Variants in HSPA12B observed in about 807,000 individuals in gnomAD.
HSPA12B encodes the protein heat shock protein family A (Hsp70) member 12B.
HSPA12B carries 54 observed loss-of-function variants against 69.3 expected under a neutral mutation model. The observed-to-expected ratio is 0.78, with a 90% CI of 0.63 to 0.98. The LOEUF (loss-of-function observed/expected upper bound fraction) is 0.98, where lower values mean the gene tolerates loss of function less well. Ranked by LOEUF, HSPA12B falls within the 50% of genes least tolerant of loss-of-function variation. HSPA12B has a pLI of 0.00. For synonymous variants in HSPA12B, 441 were observed against 436.5 expected, an observed-to-expected ratio of 1.01 and a Z score of -0.13; for missense variants, 929 against 999.8, an observed-to-expected ratio of 0.93 and a Z score of 0.96.
rs541439638 is a variant in HSPA12B at position 3,744,034 on chromosome 20, G to A, written c.267-868G>A. ...TTTATGTGGGACCTCAAGGACCTTGGGACCTCAAGACCCCAGTCCTCTGAA... is the reference window on the plus strand; with the variant it reads ...TTTATGTGGGACCTCAAGGACCTTGAGACCTCAAGACCCCAGTCCTCTGAA... On this transcript the variant is annotated intron_variant, in intron 4 of 12. Coordinates refer to ENST00000254963, the MANE Select transcript of HSPA12B (RefSeq NM_052970.5). This position sits in a 1 kb window ranked among gnomAD's most constrained non-coding sequence, Gnocchi z 4.9. 5.8e-4 allele frequency among the ~76,000 whole-genome samples: 89 copies of A among 152,234 alleles called. No individual in the cohort carries two copies. The highest frequency in any genetic ancestry group is 1.0e-3 in the Non-Finnish European group (68 of 68,024).
chr20:3,751,713 C>CCGCCGCT lies in HSPA12B; in HGVS notation c.1617_1623dup (p.Thr542AlafsTer96), dbSNP rs747857028. On this transcript the variant is annotated frameshift_variant, in exon 13 of 13. Transcript: ENST00000254963. LOFTEE classifies it high-confidence loss of function. ...GCCAGGCGCCGGGCGTGGTGCGGGT[C>CCGCCGCT]CGCCGCTCGCCGCTCACCTATGGCG... is the stretch of plus-strand genomic sequence containing the variant. 10 of 1,484,560 alleles carry CCGCCGCT rather than the reference C, an allele frequency of 6.7e-6. No individual in the cohort carries two copies. The highest frequency in any genetic ancestry group is 7.1e-6 in the Non-Finnish European group (8 of 1,121,216). The allele number at this position is 1,484,560 out of a possible 1,614,324, so 92.0% of individuals were successfully genotyped here.
At position 3,745,064 on chromosome 20, in the gene HSPA12B, C is replaced by T. The variant is rs2088272290; in HGVS notation, c.429C>T (p.Phe143=). 1 of 1,612,412 alleles carries T rather than the reference C, an allele frequency of 6.2e-7. No individual in the cohort carries two copies. The highest frequency in any genetic ancestry group is 2.2e-5 in the East Asian group (1 of 44,816). Residue 143 remains phenylalanine, a synonymous_variant, in exon 5 of 13, where the codon TTC becomes TTT. Coordinates refer to ENST00000254963, the MANE Select transcript of HSPA12B (RefSeq NM_052970.5). The surrounding 1 kb of genome is among the most constrained non-coding windows in gnomAD (Gnocchi z 5.6). ...EARDWLYFEK[F]KMKIHSATDL... is the part of the protein sequence containing the mutation. ...GGGACTGGCTCTACTTCGAGAAGTT[C>T]AAGATGAAGATCCACAGCGCCACGG... is the stretch of plus-strand genomic sequence containing the variant.
intron 11 of HSPA12B, 110 bp from the exon 12 acceptor site, chr20:3,750,694 C>A: frequency 6.3e-7 from 1 of 1,588,044 alleles, no homozygotes; most frequent in South Asian, 1.1e-5. Context: ...AGTCGGTGCC[C>A]AGGCACTTCT....
At position 3,745,579 on chromosome 20, in the gene HSPA12B, C is replaced by T. The variant is rs2088285285; in HGVS notation, c.540C>T (p.Phe180=). The T allele has an allele frequency of 2.5e-6, 4 of 1,613,954 alleles. No individual in the cohort carries two copies. The highest frequency in any genetic ancestry group is 3.4e-6 in the Non-Finnish European group (4 of 1,179,956). ...TGTTCGCCCATGCCCTGCGCTTCTT[C>T]AGGGAGCACGCCCTTCAGGTGCGCT... The part of the protein sequence containing the change: ...LEVFAHALRF[F]REHALQELRE... The change falls in exon 6 of 13, where the codon TTC becomes TTT. Residue 180 remains phenylalanine (F), a synonymous_variant. Coordinates refer to ENST00000254963, the MANE Select transcript of HSPA12B (RefSeq NM_052970.5). This position sits in a 1 kb window ranked among gnomAD's most constrained non-coding sequence, Gnocchi z 5.6.
chr20:3,741,525 C>T (rs576942032), intron 3 of HSPA12B, among the ~76,000 whole-genome samples: 5 of 152,234 alleles, frequency 3.3e-5, no homozygotes, highest in South Asian at 2.1e-4. Flanking sequence ...CCCAGCTACT[C>T]GGGAGGCTGA....
Position 3,745,964 on chromosome 20 carries a change from G to C in HSPA12B, c.608G>C (p.Trp203Ser), listed in dbSNP as rs1473692793. The C allele has an allele frequency of 6.2e-7, 1 of 1,613,940 alleles. No individual in the cohort carries two copies. The highest frequency in any genetic ancestry group is 1.3e-5 in the African/African-American group (1 of 74,916). The stretch of plus-strand genomic sequence containing the variant: ...CTGCCAGAGAAGGACACTGTGCGCT[G>C]GGTGTTGACGGTGCCTGCCATCTGG... Reference protein sequence around the residue: ...PSLPEKDTVRWVLTVPAIWKQ... With the variant: ...PSLPEKDTVRSVLTVPAIWKQ... The change falls in exon 7 of 13, where the codon TGG becomes TCG. Residue 203 changes from tryptophan (W) to serine (S), a missense_variant. Trp to Ser is a radical substitution (Grantham distance 177). Transcript: ENST00000254963. The surrounding 1 kb of genome is among the most constrained non-coding windows in gnomAD (Gnocchi z 5.6).
At chr20:3,751,485 C>A (rs1486914542) in intron 12 of HSPA12B, 26 bp from the exon 13 acceptor site, 1 of 1,382,628 alleles carries the variant, frequency 7.2e-7, no homozygotes, top group South Asian at 1.7e-5. Context: ...CCCCCTTCAC[C>A]CGCGTCCCCC....
chr20:3,742,700 C>T (rs2088223453), intron 4 of HSPA12B, among the ~76,000 whole-genome samples: 1 of 139,122 alleles, frequency 7.2e-6, no homozygotes, highest in Admixed American at 7.0e-5. Context: ...TTTTTATTTT[C>T]CTTTTTTTTT....
In HSPA12B at chr20:3,749,360, C is replaced by T. The variant is rs373227164; in HGVS notation, c.937+42C>T. ...ACGGAGTGTTATCCTTGGCCCCTACCGGGCACCATATACTGATGGGGGGAA... is the reference window on the plus strand; with the variant it reads ...ACGGAGTGTTATCCTTGGCCCCTACTGGGCACCATATACTGATGGGGGGAA... On this transcript the variant is annotated intron_variant, in intron 9 of 12. Transcript: ENST00000254963. The surrounding 1 kb of genome is among the most constrained non-coding windows in gnomAD (Gnocchi z 5.5). 26 of 1,552,416 alleles carry T rather than the reference C, an allele frequency of 1.7e-5. No individual in the cohort carries two copies. The highest frequency in any genetic ancestry group is 5.4e-5 in the African/African-American group (4 of 73,642).
rs1056350043 is a variant in HSPA12B at position 3,741,327 on chromosome 20, A to T, written c.141+415A>T. Among the ~76,000 whole-genome samples, 7 of 145,852 alleles carry T rather than the reference A, an allele frequency of 4.8e-5. 1 individual carries two copies. Among genetic ancestry groups the T allele is most frequent in the African/African-American group, 1.5e-4 (6 of 40,376 alleles). On this transcript the variant is annotated intron_variant, in intron 3 of 12. Transcript: ENST00000254963. ...GATGTGTTGCCAAAAAAAAAAAAAA[A>T]TAGTCTGGAAACCATTAGCTTGGGC... is the stretch of plus-strand genomic sequence containing the variant.
rs914585571 is a variant in HSPA12B, at chr20:3,745,899, C to G, written c.559-16C>G. 4.4e-6 allele frequency: 7 copies of G among 1,603,502 alleles called. No individual in the cohort carries two copies. The highest frequency in any genetic ancestry group is 4.3e-6 in the Non-Finnish European group (5 of 1,170,304). ...CTCCAAGCCAGCTTTCCTCTCACTG[C>G]CCCCTCCTGTACCAGGAGCTGAGGG... On this transcript the variant is annotated splice_polypyrimidine_tract_variant and intron_variant, in intron 6 of 12. Transcript: ENST00000254963. The surrounding 1 kb of genome is among the most constrained non-coding windows in gnomAD (Gnocchi z 5.6).
chr20:3,741,359 T>C (rs1376637244), intron 3 of HSPA12B, among the ~76,000 whole-genome samples: 1 of 150,210 alleles, frequency 6.7e-6, no homozygotes, highest in Non-Finnish European at 1.5e-5. Flanking sequence ...GGGCTGGGCA[T>C]GGTGGCTCAT....
chr20:3,750,191 G>T lies in HSPA12B; in HGVS notation c.1265G>T (p.Arg422Leu). The change falls in exon 11 of 13, where the codon CGG becomes CTG. Residue 422 changes from arginine (R) to leucine (L), a missense_variant. By Grantham distance (102) the Arg-to-Leu change is moderately radical. Coordinates refer to ENST00000254963, the MANE Select transcript of HSPA12B (RefSeq NM_052970.5). ...TTCATTGACTTCTACCGCAAGCAGCGGGGCCACAACGTGGAGACCGCTCTG... is the reference window on the plus strand; with the variant it reads ...TTCATTGACTTCTACCGCAAGCAGCTGGGCCACAACGTGGAGACCGCTCTG... ...FSFIDFYRKQRGHNVETALRR... is the reference protein window; with the variant it reads ...FSFIDFYRKQLGHNVETALRR... The T allele has an allele frequency of 6.2e-7, 1 of 1,608,842 alleles. No individual in the cohort carries two copies. The highest frequency in any genetic ancestry group is 8.5e-7 in the Non-Finnish European group (1 of 1,177,176).
chr20:3,751,504 C>A lies in HSPA12B; in HGVS notation c.1406-7C>A. On this transcript the variant is annotated splice_polypyrimidine_tract_variant and splice_region_variant and intron_variant, in intron 12 of 12. Transcript: ENST00000254963. ...CTTCACCCGCGTCCCCCCGTCCTGT[C>A]CCGCAGAGGCCCTGCTGGCACGGCC... 1.4e-6 allele frequency: 2 copies of A among 1,413,568 alleles called. No homozygotes were observed. Among genetic ancestry groups the A allele is most frequent in the South Asian group, 1.6e-5 (1 of 63,710 alleles). 87.6% of individuals were successfully genotyped at this position (1,413,568 alleles called of 1,614,324 possible).
At chr20:3,741,956 T>C (rs536853420) in intron 3 of HSPA12B, among the ~76,000 whole-genome samples, 7 of 147,922 alleles carry the variant, frequency 4.7e-5, no homozygotes, top group African/African-American at 1.5e-4. Flanking sequence ...GGGCCCAGAC[T>C]AATGGCTGCC....
chr20:3,745,198 C>A lies in HSPA12B; in HGVS notation c.453+110C>A. The A allele has an allele frequency of 1.9e-6, 2 of 1,026,976 alleles. No individual in the cohort carries two copies. Among genetic ancestry groups the A allele is most frequent in the African/African-American group, 1.6e-5 (1 of 62,416 alleles). The allele number at this position is 1,026,976 out of a possible 1,614,324, so 63.6% of individuals were successfully genotyped here. Reference sequence around the variant, plus strand: ...CGTGTGAGGACCGGCCCGATGGAGTCGTGGCTGAGAGGGGGCGGGGCTAAA... The same window carrying A: ...CGTGTGAGGACCGGCCCGATGGAGTAGTGGCTGAGAGGGGGCGGGGCTAAA... On this transcript the variant is annotated intron_variant, in intron 5 of 12. Transcript: ENST00000254963. The surrounding 1 kb of genome is among the most constrained non-coding windows in gnomAD (Gnocchi z 5.6).
chr20:3,750,615 CCT>C (rs760178970), intron 11 of HSPA12B, 187 bp from the exon 12 acceptor site: 23 of 965,464 alleles, frequency 2.4e-5, no homozygotes, highest in Non-Finnish European at 2.7e-5. Context: ...GCAACTAAAT[CCT>C]CTGAGTGAGT....
rs544816864 is a variant in HSPA12B, at chr20:3,749,207, C to T, written c.851-25C>T. On this transcript the variant is annotated intron_variant, in intron 8 of 12. Coordinates refer to ENST00000254963, the MANE Select transcript of HSPA12B (RefSeq NM_052970.5). The surrounding 1 kb of genome is among the most constrained non-coding windows in gnomAD (Gnocchi z 5.5). ...GCTGGAGCACCTCCTTCTAATCTCA[C>T]TCCCTGCTGTCTCCTGACCCCCAGC... The T allele has an allele frequency of 8.1e-5, 130 of 1,603,230 alleles. 2 individuals carry two copies. In the South Asian group the frequency reaches 1.4e-3, roughly 17 times the overall value.
chr20:3,740,295 G>A lies in HSPA12B; in HGVS notation c.44-520G>A, dbSNP rs747386085. Among the ~76,000 whole-genome samples the A allele has an allele frequency of 1.3e-5, 2 of 152,284 alleles. No individual in the cohort carries two copies. The highest frequency in any genetic ancestry group is 2.9e-5 in the Non-Finnish European group (2 of 68,004). ...CCAGCTGGGCCTGTCTGTGGCCCTT[G>A]TGGGCATGGGAGCTGCAGAGTTCCC... On this transcript the variant is annotated intron_variant, in intron 2 of 12. Transcript: ENST00000254963. This position sits in a 1 kb window ranked among gnomAD's most constrained non-coding sequence, Gnocchi z 4.9.
Sources: allele counts gnomAD v4.1 joint callset (sites outside exome capture counted in the v4.1 genomes callset), GRCh38; gene constraint gnomAD v4.1.1; non-coding constraint Gnocchi (gnomAD v3.1); transcripts MANE v1.5; gene names NCBI Gene and HGNC (gene_info 2026-07-23, HGNC 2026-07-21).